Variants in GALNT12 observed in about 807,000 individuals in gnomAD.
The protein encoded by GALNT12 is polypeptide N-acetylgalactosaminyltransferase 12.
In GALNT12, 45 loss-of-function variants were observed where a neutral mutation model predicts 55.5. That is an observed-to-expected ratio of 0.81 (90% CI 0.64 to 1.04). GALNT12 has a LOEUF of 1.04. Among genes scored for constraint, GALNT12 ranks in the 50% least tolerant of loss-of-function variants. GALNT12 has a pLI of 0.00. For synonymous variants in GALNT12, 304 were observed against 312.2 expected (o/e 0.97, Z 0.28); for missense variants, 709 against 754.8 (o/e 0.94, Z 0.71).
chr9:98,807,732 C>A lies in GALNT12; in HGVS notation c.34C>A (p.Arg12=). ...WGRTARRRCP[R]ELRRGREALL... ...GCGCACGGCGCGGCGGCGCTGCCCG[C>A]GGGAACTGCGGCGCGGCCGGGAGGC... The change falls in exon 1 of 10, where the codon CGG becomes AGG. Residue 12 remains arginine, a synonymous_variant. Transcript: ENST00000375011. 1 of 1,187,074 alleles carries A rather than the reference C, an allele frequency of 8.4e-7. No individual in the cohort carries two copies. The highest frequency in any genetic ancestry group is 4.0e-5 in the Admixed American group (1 of 24,694). 73.5% of individuals were successfully genotyped at this position (1,187,074 alleles called of 1,614,324 possible).
chr9:98,847,834 G>A (rs1319649918), intron 9 of GALNT12, among the ~76,000 whole-genome samples: 1 of 42,906 alleles, frequency 2.3e-5, no homozygotes, highest in Non-Finnish European at 5.3e-5. Flanking sequence ...TTTTTTTTTT[G>A]AGACGGAGCC....
At chr9:98,821,806 C>T (rs781514347) in intron 1 of GALNT12, among the ~76,000 whole-genome samples, 12 of 152,090 alleles carry the variant, frequency 7.9e-5, no homozygotes, top group Non-Finnish European at 1.2e-4. Context: ...CTCCTTCCCC[C>T]TCCCCACTCC....
At chr9:98,844,678 A>ATTAATTG (rs1400823162) in intron 8 of GALNT12, among the ~76,000 whole-genome samples, 1 of 152,172 alleles carries the variant, frequency 6.6e-6, no homozygotes, top group Non-Finnish European at 1.5e-5. Context: ...TTTCCTTAGA[A>ATTAATTG]TTAATTGTTA....
At chr9:98,827,388 A>G (rs1167279635) in intron 3 of GALNT12, among the ~76,000 whole-genome samples, 1 of 151,820 alleles carries the variant, frequency 6.6e-6, no homozygotes, top group Non-Finnish European at 1.5e-5. Flanking sequence ...TTTTGTAGAG[A>G]TGGGGTTTCA....
chr9:98,817,231 G>T (rs1374410086), intron 1 of GALNT12, among the ~76,000 whole-genome samples: 6 of 152,186 alleles, frequency 3.9e-5, no homozygotes, highest in Admixed American at 2.0e-4. Context: ...CTCTCAAAAT[G>T]CTGGGATTAC....
At chr9:98,846,652 G>A (rs375061720) in intron 9 of GALNT12, among the ~76,000 whole-genome samples, 131 of 151,930 alleles carry the variant, frequency 8.6e-4, no homozygotes, top group African/African-American at 3.1e-3. Context: ...CCGAAGCCAG[G>A]AGTTCGAGAC....
At chr9:98,822,789 A>G (rs1208485559) in intron 1 of GALNT12, among the ~76,000 whole-genome samples, 5 of 152,104 alleles carry the variant, frequency 3.3e-5, no homozygotes, top group Admixed American at 2.6e-4. Flanking sequence ...GGAGACAGCA[A>G]CTGCCCAAGA....
Position 98,849,192 on chromosome 9 carries a change from G to A in GALNT12, c.*100G>A. 8.1e-7 allele frequency: 1 copy of A among 1,236,110 alleles called. No individual in the cohort carries two copies. Among genetic ancestry groups the A allele is most frequent in the Non-Finnish European group, 1.2e-6 (1 of 844,328 alleles). 76.6% of individuals were successfully genotyped at this position (1,236,110 alleles called of 1,614,324 possible). Reference sequence around the variant, plus strand: ...AGTGACCAGAACCCACCAAAAACTAGGCTGCATTGCTTTGAAGAGGCAATC... The same window carrying A: ...AGTGACCAGAACCCACCAAAAACTAAGCTGCATTGCTTTGAAGAGGCAATC... On this transcript the variant is annotated 3_prime_UTR_variant, in exon 10 of 10. Transcript: ENST00000375011.
At position 98,823,289 on chromosome 9, in the gene GALNT12, G is replaced by T. The variant is rs143801019; in HGVS notation, c.405G>T (p.Leu135Phe). ...AGAAGAAATATGATTATGATAATTT[G>T]CCCAGGACATCTGTTATCATAGCAT... ...CKEKKYDYDN[L>F]PRTSVIIAFY... The change falls in exon 2 of 10, where the codon TTG becomes TTT. Residue 135 changes from leucine (L) to phenylalanine (F), a missense_variant. By Grantham distance (22) the Leu-to-Phe change is conservative. Around this residue, in one of 5 missense-constraint regions of GALNT12, gnomAD observed 315 missense variants for 288.6 expected, o/e 1.09. Transcript: ENST00000375011. 8.1e-6 allele frequency: 13 copies of T among 1,614,140 alleles called. No individual in the cohort carries two copies. Among genetic ancestry groups the T allele is most frequent in the Non-Finnish European group, 9.3e-6 (11 of 1,179,954 alleles).
intron 1 of GALNT12, among the ~76,000 whole-genome samples, chr9:98,816,393 A>AG (rs1251440614): frequency 6.6e-6 from 1 of 151,154 alleles, no homozygotes; most frequent in African/African-American, 2.4e-5. Flanking sequence ...AAAAAAGAAA[A>AG]AAAAAAAAAA....
At chr9:98,835,448 G>C (rs1836118693) in intron 5 of GALNT12, 82 bp downstream of exon 5, 1 of 878,510 alleles carries the variant, frequency 1.1e-6, no homozygotes. Context: ...TAAGAGCCTG[G>C]TGGACCCTGA....
chr9:98,846,225 G>A lies in GALNT12; in HGVS notation c.1605+102G>A, dbSNP rs1836411490. 3 of 1,462,508 alleles carry A rather than the reference G, an allele frequency of 2.1e-6. No individual in the cohort carries two copies. In the Admixed American group the frequency reaches 5.0e-5, roughly 25 times the overall value. 90.6% of individuals were successfully genotyped at this position (1,462,508 alleles called of 1,614,324 possible). ...CTGGCATAGTCCTGGTGAGGATCAG[G>A]GATGTGGCCATGCATGGACAGGAGC... On this transcript the variant is annotated intron_variant, in intron 9 of 9. Transcript: ENST00000375011.
intron 3 of GALNT12, among the ~76,000 whole-genome samples, chr9:98,829,239 A>G (rs1207775630): frequency 6.6e-6 from 1 of 151,710 alleles, no homozygotes; most frequent in Non-Finnish European, 1.5e-5. Flanking sequence ...CCCAGGCTAG[A>G]GTACAGTAGG....
In GALNT12 at chr9:98,845,982, C is replaced by T. The variant is rs772731021; in HGVS notation, c.1464C>T (p.Phe488=). Reference sequence around the variant, plus strand: ...GTTGGCTGCCCCATTTTTAGTTTTTCGAGTACACGTCCCAGAAAGAAATAC... The same window carrying T: ...GTTGGCTGCCCCATTTTTAGTTTTTTGAGTACACGTCCCAGAAAGAAATAC... ...LCHGMGQNQF[F]EYTSQKEIRY... Residue 488 remains phenylalanine (F), a synonymous_variant, in exon 9 of 10, where the codon TTC becomes TTT. Transcript: ENST00000375011. 1.1e-5 allele frequency: 18 copies of T among 1,613,948 alleles called. No individual in the cohort carries two copies. Among genetic ancestry groups the T allele is most frequent in the African/African-American group, 1.1e-4 (8 of 74,890 alleles).
Position 98,826,611 on chromosome 9 carries a change from G to A in GALNT12, c.542-141G>A, listed in dbSNP as rs1033816972. ...CCTTGGTTCTGGGTGAGGTAAGGAT[G>A]TCCCAGGTGGCAGAGCAAAGGAGGC... On this transcript the variant is annotated intron_variant, in intron 2 of 9. Transcript: ENST00000375011. 1.5e-4 allele frequency: 127 copies of A among 849,178 alleles called. No individual in the cohort carries two copies. The South Asian group carries it at 1.7e-3, about 12-fold the overall frequency. 52.6% of individuals were successfully genotyped at this position (849,178 alleles called of 1,614,324 possible).
chr9:98,835,196 C>T (rs1836108342), intron 4 of GALNT12, 53 bp from the exon 5 acceptor site: 1 of 1,224,706 alleles, frequency 8.2e-7, no homozygotes, highest in African/African-American at 1.5e-5. Context: ...AGTTGGATAA[C>T]TGTGATGGTT....
chr9:98,846,501 C>G (rs1836417657), intron 9 of GALNT12, among the ~76,000 whole-genome samples: 1 of 152,086 alleles, frequency 6.6e-6, no homozygotes, highest in African/African-American at 2.4e-5. Context: ...AGGATGTTAG[C>G]CAAAGTGTTA....
intron 1 of GALNT12, among the ~76,000 whole-genome samples, chr9:98,813,107 C>G (rs536701936): frequency 6.6e-6 from 1 of 150,698 alleles, no homozygotes; most frequent in African/African-American, 2.4e-5. Flanking sequence ...GATTCTTCTC[C>G]TTCTTCCTGA....
At chr9:98,819,053 T>A (rs1471608627) in intron 1 of GALNT12, among the ~76,000 whole-genome samples, 1 of 152,218 alleles carries the variant, frequency 6.6e-6, no homozygotes, top group Non-Finnish European at 1.5e-5. Context: ...TCCATAGGGC[T>A]GCTTGAGTAT....
Sources: allele counts gnomAD v4.1 joint callset (sites outside exome capture counted in the v4.1 genomes callset), GRCh38; gene constraint gnomAD v4.1.1; regional missense constraint gnomAD v4.1.1; transcripts MANE v1.5; gene names NCBI Gene and HGNC (gene_info 2026-07-23, HGNC 2026-07-21).